The following EPHB1 variants were observed in gnomAD, a reference collection of about 807,000 sequenced individuals.
EPHB1 encodes EPH receptor B1, also known as ephrin type-B receptor 1.
A neutral mutation model predicts 94.4 loss-of-function variants in EPHB1; 30 were observed. The observed-to-expected ratio is 0.32, with a 90% confidence interval of 0.24 to 0.43. EPHB1 has a LOEUF of 0.43. EPHB1 is among the 20% of genes least tolerant of loss of function. The pLI, the probability that EPHB1 is intolerant of heterozygous loss-of-function variation, is 1.00. For missense variants in EPHB1, 1,055 were observed against 1,308.3 expected, an observed-to-expected ratio of 0.81 and a Z score of 2.99; for synonymous variants, 522 against 489.1, an observed-to-expected ratio of 1.07 and a Z score of -0.89.
At chr3:135,204,801 C>A (rs749293537) in intron 12 of EPHB1, among the ~76,000 whole-genome samples, 2 of 151,898 alleles carry the variant, frequency 1.3e-5, no homozygotes, top group Non-Finnish European at 2.9e-5. Context: ...CCATGCCCAG[C>A]CTCTTTCAGT....
At chr3:135,256,108 G>A (rs1211365656) in intron 15 of EPHB1, among the ~76,000 whole-genome samples, 1 of 152,108 alleles carries the variant, frequency 6.6e-6, no homozygotes, top group Non-Finnish European at 1.5e-5. Context: ...GAGCCTATGT[G>A]TGTCTTTGCA....
intron 1 of EPHB1, among the ~76,000 whole-genome samples, chr3:134,845,849 A>AT (rs2036862640): frequency 6.6e-6 from 1 of 152,036 alleles, no homozygotes; most frequent in Admixed American, 6.5e-5. Context: ...CTCTCCTTCC[A>AT]TTTTTCACAG....
intron 3 of EPHB1, among the ~76,000 whole-genome samples, chr3:135,040,058 A>G (rs529805442): frequency 8.7e-4 from 133 of 152,310 alleles, no homozygotes; most frequent in Non-Finnish European, 1.6e-3. Context: ...TCTGCCAATT[A>G]CCAACCTCTG....
At chr3:135,172,948 T>C (rs1434551324) in intron 9 of EPHB1, among the ~76,000 whole-genome samples, 4 of 152,320 alleles carry the variant, frequency 2.6e-5, no homozygotes, top group East Asian at 1.9e-4. Flanking sequence ...TCCAGAATCA[T>C]TGGGCCTTGC....
At chr3:135,178,859 A>G (rs917168827) in intron 9 of EPHB1, among the ~76,000 whole-genome samples, 3 of 152,140 alleles carry the variant, frequency 2.0e-5, no homozygotes, top group African/African-American at 7.2e-5. Flanking sequence ...TACTCTTCCC[A>G]AGGCTGTGAT....
At position 135,049,743 on chromosome 3, in the gene EPHB1, T is replaced by C. The variant is rs376259273; in HGVS notation, c.806-56705T>C. Reference sequence around the variant, plus strand: ...CAGGTTTTGATACCTCTTTATAATATGTGATCAGAGAAGTCCTGAGCACCA... The same window carrying C: ...CAGGTTTTGATACCTCTTTATAATACGTGATCAGAGAAGTCCTGAGCACCA... On this transcript the variant is annotated intron_variant, in intron 3 of 15. Coordinates refer to ENST00000398015, the MANE Select transcript of EPHB1 (RefSeq NM_004441.5). 1.1e-4 allele frequency among the ~76,000 whole-genome samples: 17 copies of C among 152,350 alleles called. No individual in the cohort carries two copies. In the East Asian group the frequency reaches 2.1e-3, roughly 19 times the overall value.
chr3:134,999,273 A>G (rs2107741864), intron 3 of EPHB1, among the ~76,000 whole-genome samples: 1 of 152,308 alleles, frequency 6.6e-6, no homozygotes, highest in Admixed American at 6.5e-5. Context: ...TTTTTGAGTT[A>G]CTGTTGTTGG....
intron 5 of EPHB1, among the ~76,000 whole-genome samples, chr3:135,149,756 T>C (rs1941133643): frequency 6.6e-6 from 1 of 152,194 alleles, no homozygotes; most frequent in Admixed American, 6.5e-5. Flanking sequence ...TGTGTGAGAA[T>C]ACACAGTCTT....
At chr3:135,126,342 C>T (rs1203124835) in intron 4 of EPHB1, among the ~76,000 whole-genome samples, 1 of 152,102 alleles carries the variant, frequency 6.6e-6, no homozygotes, top group Non-Finnish European at 1.5e-5. Flanking sequence ...ATTCCCAGAC[C>T]CCACTGCAAT....
Position 135,055,749 on chromosome 3 carries a change from C to T in EPHB1, c.806-50699C>T, listed in dbSNP as rs75228083. Reference sequence around the variant, plus strand: ...ATGAACAGGGTCACACGTGTCAAGTCGCAACACAAGCCTGGCACTTGGTAG... The same window carrying T: ...ATGAACAGGGTCACACGTGTCAAGTTGCAACACAAGCCTGGCACTTGGTAG... On this transcript the variant is annotated intron_variant, in intron 3 of 15. Transcript: ENST00000398015. 5.2e-3 allele frequency among the ~76,000 whole-genome samples: 795 copies of T among 152,320 alleles called. 5 individuals are homozygous for T. Among genetic ancestry groups the T allele is most frequent in the African/African-American group, 0.015 (634 of 41,568 alleles).
At chr3:135,130,366 C>G (rs1212201395) in intron 4 of EPHB1, among the ~76,000 whole-genome samples, 3 of 152,146 alleles carry the variant, frequency 2.0e-5, no homozygotes, top group Non-Finnish European at 4.4e-5. Context: ...CTGGATTTGT[C>G]ACATAGAAAG....
chr3:134,852,188 C>G (rs913137238), intron 1 of EPHB1, among the ~76,000 whole-genome samples: 2 of 152,072 alleles, frequency 1.3e-5, no homozygotes, highest in Non-Finnish European at 2.9e-5. Context: ...TCACCACTGT[C>G]TGCCTCAATG....
At chr3:134,954,132 G>A (rs1457664155) in intron 3 of EPHB1, among the ~76,000 whole-genome samples, 3 of 152,178 alleles carry the variant, frequency 2.0e-5, no homozygotes, top group Non-Finnish European at 4.4e-5. Context: ...TGGGTCTTGT[G>A]GCCCAGCATC....
intron 1 of EPHB1, chr3:134,796,072 GC>G (rs1182014612): frequency 3.4e-6 from 1 of 292,494 alleles, no homozygotes; most frequent in East Asian, 1.0e-4. Flanking sequence ...TGGCCATCCG[GC>G]TCCTGGAGTA....
In EPHB1 at chr3:135,259,069, C is replaced by A; in HGVS notation, c.2904C>A (p.Ser968Arg). The A allele has an allele frequency of 1.2e-6, 2 of 1,610,942 alleles. No homozygotes were observed. The highest frequency in any genetic ancestry group is 8.5e-7 in the Non-Finnish European group (1 of 1,178,766). Reference protein sequence around the residue: ...LAGHQKKILNSIHSMRVQISQ... With the variant: ...LAGHQKKILNRIHSMRVQISQ... ...GCCATCAGAAGAAGATCCTGAACAG[C>A]ATTCATTCTATGAGGGTCCAGATAA... The change falls in exon 16 of 16, where the codon AGC (serine) becomes AGA (arginine). Residue 968 changes from serine (S) to arginine (R), a missense_variant. Transcript: ENST00000398015.
At chr3:135,079,102 C>CA (rs766206798) in intron 3 of EPHB1, among the ~76,000 whole-genome samples, 5,848 of 150,796 alleles carry the variant, frequency 0.039, 167 homozygotes, top group East Asian at 0.14. Flanking sequence ...AAAAACAAAA[C>CA]AAACAAACAA....
rs574185580 is a variant in EPHB1 at position 134,827,352 on chromosome 3, C to T, written c.58+31663C>T. On this transcript the variant is annotated intron_variant, in intron 1 of 15. Coordinates refer to ENST00000398015, the MANE Select transcript of EPHB1 (RefSeq NM_004441.5). ...AGGAAACAAAATCAACAGATGTGCG[C>T]GGGTGCGCGTGCACACACACACACA... Among the ~76,000 whole-genome samples the T allele has an allele frequency of 2.8e-4, 39 of 137,616 alleles. No individual in the cohort carries two copies. In the East Asian group the frequency reaches 3.2e-3, roughly 11 times the overall value. 90.3% of individuals were successfully genotyped at this position (137,616 alleles called of 152,430 possible).
chr3:134,983,201 C>A (rs545175358), intron 3 of EPHB1, among the ~76,000 whole-genome samples: 11 of 152,292 alleles, frequency 7.2e-5, no homozygotes, highest in Admixed American at 6.5e-4. Flanking sequence ...CCTTCATTGG[C>A]GAGTGTGTGT....
At chr3:134,968,028 C>T (rs528382136) in intron 3 of EPHB1, among the ~76,000 whole-genome samples, 9 of 152,200 alleles carry the variant, frequency 5.9e-5, no homozygotes, top group African/African-American at 9.7e-5. Flanking sequence ...GTCCATTTGC[C>T]ATGCAACTAG....
Sources: gnomAD v4.1 joint callset for allele counts (sites outside exome capture counted in the v4.1 genomes callset) on GRCh38, gnomAD v4.1.1 for gene constraint, MANE v1.5 for transcripts, NCBI Gene and HGNC (gene_info 2026-07-23, HGNC 2026-07-21) for gene names.